Variants in UNC13C observed in about 807,000 individuals in gnomAD.
UNC13C encodes the protein protein unc-13 homolog C.
In UNC13C, 174 loss-of-function variants were observed where a neutral mutation model predicts 245.4. The observed-to-expected ratio is 0.71, with a 90% CI of 0.63 to 0.80. The LOEUF (loss-of-function observed/expected upper bound fraction) is 0.80, where lower values mean the gene tolerates loss of function less well. Among genes scored for constraint, UNC13C ranks in the 30% least tolerant of loss-of-function variants. The pLI is 0.00. For synonymous variants in UNC13C, 992 were observed against 895.1 expected, an observed-to-expected ratio of 1.11 and a Z score of -1.93; for missense variants, 2,829 against 2,602.9, an observed-to-expected ratio of 1.09 and a Z score of -1.89.
At chr15:54,130,466 G>C (rs2031345231) in intron 2 of UNC13C, among the ~76,000 whole-genome samples, 1 of 151,412 alleles carries the variant, frequency 6.6e-6, no homozygotes, top group African/African-American at 2.4e-5. Flanking sequence ...CTAATTTTTT[G>C]TATTTTTAGT....
chr15:54,240,108 TTTCAACAA>T (rs2035811665), intron 7 of UNC13C, among the ~76,000 whole-genome samples: 1 of 152,152 alleles, frequency 6.6e-6, no homozygotes, highest in Non-Finnish European at 1.5e-5. Flanking sequence ...TTGATCTGCT[TTTCAACAA>T]CTTAAAAATA....
intron 13 of UNC13C, among the ~76,000 whole-genome samples, chr15:54,310,970 A>G (rs1467902663): frequency 2.0e-5 from 3 of 151,702 alleles, no homozygotes; most frequent in Admixed American, 2.0e-4. Context: ...TATCACATCA[A>G]TTGCCTAATC....
chr15:54,188,269 A>C (rs879188494), intron 4 of UNC13C, among the ~76,000 whole-genome samples: 3 of 152,208 alleles, frequency 2.0e-5, no homozygotes, highest in African/African-American at 7.2e-5. Flanking sequence ...CAACAGCGTA[A>C]AAAGGTACAC....
chr15:54,606,358 A>C (rs578165479), intron 30 of UNC13C, among the ~76,000 whole-genome samples: 2 of 152,360 alleles, frequency 1.3e-5, no homozygotes, highest in Admixed American at 6.5e-5. Flanking sequence ...TTTATTTTAA[A>C]ACAAATTTAA....
At chr15:54,058,774 G>A (rs1031601752) in intron 2 of UNC13C, among the ~76,000 whole-genome samples, 5 of 152,076 alleles carry the variant, frequency 3.3e-5, no homozygotes, top group Middle Eastern at 3.2e-3. Context: ...TGATCATGTG[G>A]GCTTCATCCC....
chr15:54,190,334 CA>C, intron 4 of UNC13C, among the ~76,000 whole-genome samples: 1 of 152,036 alleles, frequency 6.6e-6, no homozygotes, highest in African/African-American at 2.4e-5. Flanking sequence ...ATTCAAAAAG[CA>C]AAAAGACTAC....
In UNC13C at chr15:54,264,270, A is replaced by G. The variant is rs1329922171; in HGVS notation, c.3551A>G (p.Glu1184Gly). 1.3e-6 allele frequency: 2 copies of G among 1,598,812 alleles called. No individual in the cohort carries two copies. Among genetic ancestry groups the G allele is most frequent in the Non-Finnish European group, 1.7e-6 (2 of 1,172,066 alleles). The change falls in exon 9 of 33, where the codon GAA becomes GGA. Residue 1184 changes from glutamate (E) to glycine (G), a missense_variant. Physicochemically the swap from Glu to Gly is moderately conservative, Grantham distance 98 (BLOSUM62 -2). Transcript: ENST00000260323. ...AAGATCAGGGAGAAAAACCGGCCAG[A>G]AGTATTTGAAGTAATCCAGGAAATG... ...RMKIREKNRP[E>G]VFEVIQEMFQ...
At chr15:54,111,683 G>A (rs1900781657) in intron 2 of UNC13C, among the ~76,000 whole-genome samples, 1 of 152,150 alleles carries the variant, frequency 6.6e-6, no homozygotes, top group Admixed American at 6.5e-5. Context: ...TAGTTCATGG[G>A]AATCAACAGG....
At chr15:54,334,323 G>C (rs374727524) in intron 16 of UNC13C, among the ~76,000 whole-genome samples, 1 of 152,062 alleles carries the variant, frequency 6.6e-6, no homozygotes, top group Admixed American at 6.6e-5. Flanking sequence ...CTATCTATTG[G>C]TATAATTGGC....
At chr15:54,481,788 G>A (rs182909299) in intron 19 of UNC13C, among the ~76,000 whole-genome samples, 2 of 152,026 alleles carry the variant, frequency 1.3e-5, no homozygotes, top group Non-Finnish European at 2.9e-5. Context: ...CTGTCCTCAT[G>A]TCTCCTGATG....
intron 26 of UNC13C, 50 bp downstream of exon 26, chr15:54,533,116 C>T (rs1410697970): frequency 2.9e-6 from 4 of 1,401,288 alleles, no homozygotes; most frequent in African/African-American, 2.9e-5. Flanking sequence ...TAAATTTGAC[C>T]TTTAAGGCTT....
chr15:54,223,112 G>C (rs1407948230), intron 4 of UNC13C, among the ~76,000 whole-genome samples: 2 of 151,956 alleles, frequency 1.3e-5, no homozygotes, highest in Admixed American at 6.6e-5. Context: ...GATCCCATTT[G>C]TCCATTTTTG....
intron 25 of UNC13C, among the ~76,000 whole-genome samples, 187 bp downstream of exon 25, chr15:54,525,824 C>G (rs1420957524): frequency 6.6e-6 from 1 of 152,160 alleles, no homozygotes; most frequent in Non-Finnish European, 1.5e-5. Flanking sequence ...GCTATGCACT[C>G]CCTAGAACTC....
the UNC13C span, chr15:53,911,790 C>G: frequency 6.6e-6 from 1 of 152,428 alleles, no homozygotes; most frequent in African/African-American, 2.4e-5. Context: ...ATGCAATATG[C>G]AGCAGGCTGT....
chr15:54,506,844 T>G (rs2141109214), intron 22 of UNC13C, among the ~76,000 whole-genome samples: 1 of 152,280 alleles, frequency 6.6e-6, no homozygotes, highest in Non-Finnish European at 1.5e-5. Context: ...TTATGATAAT[T>G]TAATCTATGT....
intron 30 of UNC13C, among the ~76,000 whole-genome samples, chr15:54,599,530 C>T (rs997442126): frequency 6.6e-6 from 1 of 151,928 alleles, no homozygotes; most frequent in African/African-American, 2.4e-5. Flanking sequence ...TAAGACTATC[C>T]AAGTTTCCGA....
intron 30 of UNC13C, among the ~76,000 whole-genome samples, chr15:54,577,384 A>G (rs904132309): frequency 5.3e-5 from 8 of 152,296 alleles, no homozygotes; most frequent in African/African-American, 1.9e-4. Context: ...GCTTTGTGCT[A>G]GGTAAATTAC....
At chr15:54,566,206 G>A (rs1464218219) in intron 29 of UNC13C, among the ~76,000 whole-genome samples, 1 of 151,920 alleles carries the variant, frequency 6.6e-6, no homozygotes, top group East Asian at 1.9e-4. Flanking sequence ...ACAGAGTCAA[G>A]ACCAATCTAT....
intron 30 of UNC13C, among the ~76,000 whole-genome samples, chr15:54,606,682 A>G (rs1441342034): frequency 2.0e-5 from 3 of 152,228 alleles, no homozygotes; most frequent in Non-Finnish European, 4.4e-5. Context: ...CCAATGAGGA[A>G]CTAAGAGTTA....
Sources: gnomAD v4.1 joint callset for allele counts (sites outside exome capture counted in the v4.1 genomes callset) on GRCh38, gnomAD v4.1.1 for gene constraint, MANE v1.5 for transcripts, NCBI Gene and HGNC (gene_info 2026-07-23, HGNC 2026-07-21) for gene names.